The following ITPR3 variants were observed in gnomAD, a reference collection of about 807,000 sequenced individuals.
ITPR3 encodes inositol 1,4,5-trisphosphate-gated calcium channel ITPR3.
A neutral mutation model predicts 293.2 loss-of-function variants in ITPR3; 173 were observed. That is an observed-to-expected ratio of 0.59 (90% CI 0.52 to 0.67). The LOEUF is 0.67. Among genes scored for constraint, ITPR3 ranks in the 30% least tolerant of loss-of-function variants. ITPR3 has a pLI of 0.00. For synonymous variants in ITPR3, 1,295 were observed against 1,444.4 expected, an observed-to-expected ratio of 0.90 and a Z score of 2.35; for missense variants, 2,796 against 3,592.1, an observed-to-expected ratio of 0.78 and a Z score of 5.66.
intron 6 of ITPR3, 101 bp downstream of exon 6, chr6:33,659,220 T>A: frequency 8.6e-7 from 1 of 1,160,532 alleles, no homozygotes; most frequent in East Asian, 2.4e-5. Flanking sequence ...TCCAGCCCCA[T>A]CTGACCTGCC....
In ITPR3 at chr6:33,696,157, C is replaced by G. The variant is rs1582175799; in HGVS notation, c.*377C>G. 8.6e-6 allele frequency: 2 copies of G among 232,920 alleles called. No homozygotes were observed. Among genetic ancestry groups the G allele is most frequent in the Non-Finnish European group, 1.7e-5 (2 of 116,872 alleles). The allele number at this position is 232,920 out of a possible 1,614,324, so 14.4% of individuals were successfully genotyped here. Reference sequence around the variant, plus strand: ...AACTCCAAGCACTACATTTTGGCGGCTGCCGGCCTCTGGGGGAGGTGGCAG... The same window carrying G: ...AACTCCAAGCACTACATTTTGGCGGGTGCCGGCCTCTGGGGGAGGTGGCAG... On this transcript the variant is annotated 3_prime_UTR_variant, in exon 58 of 58. Coordinates refer to ENST00000605930, the MANE Select transcript of ITPR3 (RefSeq NM_002224.4).
Position 33,621,728 on chromosome 6 carries a change from A to G in ITPR3, c.89+37A>G, listed in dbSNP as rs1371265343. Reference sequence around the variant, plus strand: ...GAGCTCGAGAGGGGCGCGGGTAAAGAGGGGGCGCCGTGGGCCCTGGTGCCA... The same window carrying G: ...GAGCTCGAGAGGGGCGCGGGTAAAGGGGGGGCGCCGTGGGCCCTGGTGCCA... On this transcript the variant is annotated intron_variant, in intron 1 of 57. Coordinates refer to ENST00000605930, the MANE Select transcript of ITPR3 (RefSeq NM_002224.4). This position sits in a 1 kb window ranked among gnomAD's most constrained non-coding sequence, Gnocchi z 7.7. The G allele has an allele frequency of 6.6e-7, 1 of 1,520,442 alleles. No homozygotes were observed. 94.2% of individuals were successfully genotyped at this position (1,520,442 alleles called of 1,614,324 possible). A position where few individuals can be genotyped will look rare whatever the true frequency, so the allele number is the denominator to read the frequency against.
In ITPR3 at chr6:33,654,221, T is replaced by C. The variant is rs188387994; in HGVS notation, c.161-1545T>C. 4.2e-3 allele frequency among the ~76,000 whole-genome samples: 638 copies of C among 152,118 alleles called. 6 individuals are homozygous for C. Among genetic ancestry groups the C allele is most frequent in the African/African-American group, 0.011 (437 of 41,484 alleles). On this transcript the variant is annotated intron_variant, in intron 2 of 57. Transcript: ENST00000605930. This position sits in a 1 kb window ranked among gnomAD's most constrained non-coding sequence, Gnocchi z 4.1. ...AGGTGGAGGTTGCAGTGAGCCGAGA[T>C]TGCATCACTGCACTCCAGCCTGAGC...
Position 33,670,727 on chromosome 6 carries a change from C to G in ITPR3, c.2498C>G (p.Thr833Ser), listed in dbSNP as rs762145454. ...RDDKKNKFANTMEFVEDYLNN... is the reference protein window; with the variant it reads ...RDDKKNKFANSMEFVEDYLNN... ...GACAAGAAGAACAAGTTTGCCAACACCATGGAGTTCGTGGAGGACTACCTC... is the reference window on the plus strand; with the variant it reads ...GACAAGAAGAACAAGTTTGCCAACAGCATGGAGTTCGTGGAGGACTACCTC... Residue 833 changes from threonine (T) to serine (S), a missense_variant, in exon 20 of 58, where the codon ACC becomes AGC. Transcript: ENST00000605930. The surrounding 1 kb of genome is among the most constrained non-coding windows in gnomAD (Gnocchi z 6.7). 3 of 1,614,122 alleles carry G rather than the reference C, an allele frequency of 1.9e-6. No homozygotes were observed. In the South Asian group the frequency reaches 3.3e-5, roughly 18 times the overall value.
Position 33,683,919 on chromosome 6 carries a change from A to T in ITPR3, c.4789-101A>T. On this transcript the variant is annotated intron_variant, in intron 35 of 57. Coordinates refer to ENST00000605930, the MANE Select transcript of ITPR3 (RefSeq NM_002224.4). This position sits in a 1 kb window ranked among gnomAD's most constrained non-coding sequence, Gnocchi z 4.5. ...GGGTGTGGGCCCCTCAGACAGAGGC[A>T]GGGCAATCTGTGGGGCTGTTTGGCG... The T allele has an allele frequency of 7.5e-7, 1 of 1,329,900 alleles. No individual in the cohort carries two copies. Among genetic ancestry groups the T allele is most frequent in the Non-Finnish European group, 1.0e-6 (1 of 969,854 alleles). The allele number at this position is 1,329,900 out of a possible 1,614,324, so 82.4% of individuals were successfully genotyped here. A position where few individuals can be genotyped will look rare whatever the true frequency, so the allele number is the denominator to read the frequency against.
chr6:33,690,288 T>A (rs146888464), intron 51 of ITPR3, 90 bp downstream of exon 51: 2 of 1,269,448 alleles, frequency 1.6e-6, no homozygotes, highest in East Asian at 2.4e-5. Flanking sequence ...GGCACCAGTC[T>A]GTCTGTCCAG....
At chr6:33,646,964 G>T (rs990317711) in intron 2 of ITPR3, among the ~76,000 whole-genome samples, 3 of 152,044 alleles carry the variant, frequency 2.0e-5, no homozygotes, top group African/African-American at 7.2e-5. Context: ...GCATATTGTG[G>T]ACAACCATGA....
rs769711971 is a variant in ITPR3 at position 33,679,967 on chromosome 6, G to A, written c.4058G>A (p.Arg1353His). The change falls in exon 31 of 58, where the codon CGC becomes CAC. Residue 1353 changes from arginine to histidine, a missense_variant. By Grantham distance (29) the Arg-to-His change is conservative (BLOSUM62 0). This residue lies in a region of ITPR3 where 344 missense variants were observed against 460.3 expected (regional missense o/e 0.75). Coordinates refer to ENST00000605930, the MANE Select transcript of ITPR3 (RefSeq NM_002224.4). The surrounding 1 kb of genome is among the most constrained non-coding windows in gnomAD (Gnocchi z 4.2). ...CTGCTGGACATGATGAAGGCCGCCC[G>A]CGACGGCGTGGAGGACCACAGCCCC... ...AHLLDMMKAA[R>H]DGVEDHSPLM... 18 of 1,613,772 alleles carry A rather than the reference G, an allele frequency of 1.1e-5. No individual in the cohort carries two copies. The highest frequency in any genetic ancestry group is 8.9e-5 in the East Asian group (4 of 44,894).
chr6:33,655,873 C>T lies in ITPR3; in HGVS notation c.268C>T (p.Leu90=). The change falls in exon 3 of 58, where the codon CTG becomes TTG. Residue 90 remains leucine (L), a synonymous_variant. Coordinates refer to ENST00000605930, the MANE Select transcript of ITPR3 (RefSeq NM_002224.4). The surrounding 1 kb of genome is among the most constrained non-coding windows in gnomAD (Gnocchi z 4.9). The stretch of plus-strand genomic sequence containing the variant: ...GGAGAAGATCGCTGATGTGGTGTTG[C>T]TGCAGAAGCTGCAGGTATGTGTGTG... The part of the protein sequence containing the change: ...DKEKIADVVL[L]QKLQHAAQME... The T allele has an allele frequency of 1.9e-6, 3 of 1,614,018 alleles. No homozygotes were observed. Among genetic ancestry groups the T allele is most frequent in the Non-Finnish European group, 2.5e-6 (3 of 1,179,996 alleles).
chr6:33,652,547 GC>G (rs1355746470), intron 2 of ITPR3, among the ~76,000 whole-genome samples: 1 of 151,246 alleles, frequency 6.6e-6, no homozygotes, highest in Non-Finnish European at 1.5e-5. Context: ...TGCAGCCTCT[GC>G]CCCCGACCCC....
rs1765182751 is a variant in ITPR3 at position 33,684,883 on chromosome 6, C to A, written c.5247C>A (p.Ile1749=). 1 of 1,614,098 alleles carries A rather than the reference C, an allele frequency of 6.2e-7. No homozygotes were observed. The highest frequency in any genetic ancestry group is 2.2e-5 in the East Asian group (1 of 44,878). Residue 1749 remains isoleucine (I), a synonymous_variant, in exon 39 of 58, where the codon ATC becomes ATA. Coordinates refer to ENST00000605930, the MANE Select transcript of ITPR3 (RefSeq NM_002224.4). This position sits in a 1 kb window ranked among gnomAD's most constrained non-coding sequence, Gnocchi z 4.2. ...DLITSTKNEK[I]FQESIGLAIH... is the part of the protein sequence containing the mutation. ...TCACCAGCACCAAGAACGAGAAGAT[C>A]TTCCAGGAGAGCATCGGCCTGGCCA...
Position 33,692,620 on chromosome 6 carries a change from TAGGGGCTGGGTCCTCAATATCAC to T in ITPR3, c.7459-105_7459-83del. ...GCCAGAGGCCCTCATTTCCTTCTGCTAGGGGCTGGGTCCTCAATATCACAGCCCTGGCCCCAACCTGAGTCCTA... is the reference window on the plus strand; with the variant it reads ...GCCAGAGGCCCTCATTTCCTTCTGCTAGCCCTGGCCCCAACCTGAGTCCTA... On this transcript the variant is annotated intron_variant, in intron 54 of 57. Coordinates refer to ENST00000605930, the MANE Select transcript of ITPR3 (RefSeq NM_002224.4). This position sits in a 1 kb window ranked among gnomAD's most constrained non-coding sequence, Gnocchi z 4.2. The T allele has an allele frequency of 9.1e-7, 1 of 1,093,800 alleles. No homozygotes were observed. The highest frequency in any genetic ancestry group is 1.5e-5 in the South Asian group (1 of 65,254). The allele number at this position is 1,093,800 out of a possible 1,614,324, so 67.8% of individuals were successfully genotyped here. A position where few individuals can be genotyped will look rare whatever the true frequency, so the allele number is the denominator to read the frequency against.
rs1319966405 is a variant in ITPR3 at position 33,682,073 on chromosome 6, G to T, written c.4477-451G>T. On this transcript the variant is annotated intron_variant, in intron 33 of 57. Transcript: ENST00000605930. This position sits in a 1 kb window ranked among gnomAD's most constrained non-coding sequence, Gnocchi z 5.4. ...ATTTTTGTATTTTTAGTAGAGACAG[G>T]GTTTCACCATGTTGGCCAGGCTGGT... Among the ~76,000 whole-genome samples the T allele has an allele frequency of 6.6e-6, 1 of 152,068 alleles. No homozygotes were observed.
In ITPR3 at chr6:33,695,886, C is replaced by A; in HGVS notation, c.*106C>A. On this transcript the variant is annotated 3_prime_UTR_variant, in exon 58 of 58. Coordinates refer to ENST00000605930, the MANE Select transcript of ITPR3 (RefSeq NM_002224.4). ...TTGGGTGGCCCAGCCAGCTGGCCAG[C>A]CTCCACTCCCACTCTGCCAGACACC... The A allele has an allele frequency of 9.5e-7, 1 of 1,047,578 alleles. No individual in the cohort carries two copies. The highest frequency in any genetic ancestry group is 1.5e-6 in the Non-Finnish European group (1 of 689,044). The allele number at this position is 1,047,578 out of a possible 1,614,324, so 64.9% of individuals were successfully genotyped here.
Position 33,683,440 on chromosome 6 carries a change from G to A in ITPR3, c.4788+43G>A, listed in dbSNP as rs1204051693. On this transcript the variant is annotated intron_variant, in intron 35 of 57. Coordinates refer to ENST00000605930, the MANE Select transcript of ITPR3 (RefSeq NM_002224.4). This position sits in a 1 kb window ranked among gnomAD's most constrained non-coding sequence, Gnocchi z 4.5. ...TGGCATCTGCCTCGGGAGCTGCTTG[G>A]TTGAGTCAGCAGCTCCCCTACTTTG... The A allele has an allele frequency of 3.5e-6, 5 of 1,428,268 alleles. No individual in the cohort carries two copies. Among genetic ancestry groups the A allele is most frequent in the East Asian group, 2.7e-5 (1 of 36,436 alleles). 88.5% of individuals were successfully genotyped at this position (1,428,268 alleles called of 1,614,324 possible).
intron 7 of ITPR3, 74 bp downstream of exon 7, chr6:33,659,623 TC>T: frequency 7.7e-7 from 1 of 1,295,958 alleles, no homozygotes. Context: ...TCCTGCCTTC[TC>T]CACCCGCCAG....
At position 33,692,248 on chromosome 6, in the gene ITPR3, C is replaced by T. The variant is rs1025321633; in HGVS notation, c.7458+320C>T. On this transcript the variant is annotated intron_variant, in intron 54 of 57. Transcript: ENST00000605930. This position sits in a 1 kb window ranked among gnomAD's most constrained non-coding sequence, Gnocchi z 4.2. Reference sequence around the variant, plus strand: ...GAGCTGAGTCAGCTTTATCAGGAGGCCTCATGATTTGGCTTGGGCAGCCAC... The same window carrying T: ...GAGCTGAGTCAGCTTTATCAGGAGGTCTCATGATTTGGCTTGGGCAGCCAC... Among the ~76,000 whole-genome samples the T allele has an allele frequency of 1.3e-5, 2 of 152,208 alleles. No individual in the cohort carries two copies. The highest frequency in any genetic ancestry group is 2.4e-5 in the African/African-American group (1 of 41,454).
intron 13 of ITPR3, among the ~76,000 whole-genome samples, chr6:33,665,508 G>C (rs1050669330): frequency 6.6e-6 from 1 of 152,172 alleles, no homozygotes; most frequent in Non-Finnish European, 1.5e-5. Flanking sequence ...GTCACAGTTA[G>C]TAAGTGGCAG....
At chr6:33,644,671 T>TGG (rs1764026146) in intron 2 of ITPR3, among the ~76,000 whole-genome samples, 1 of 150,712 alleles carries the variant, frequency 6.6e-6, no homozygotes, top group South Asian at 2.1e-4. Context: ...GGTTTTTTTT[T>TGG]TTTTTTTTTT....
Sources: allele counts gnomAD v4.1 joint callset (sites outside exome capture counted in the v4.1 genomes callset), GRCh38; gene constraint gnomAD v4.1.1; regional missense constraint gnomAD v4.1.1; non-coding constraint Gnocchi (gnomAD v3.1); transcripts MANE v1.5; gene names NCBI Gene and HGNC (gene_info 2026-07-23, HGNC 2026-07-21).